Variants in TNNI3K observed in about 807,000 individuals in gnomAD.
TNNI3K encodes serine/threonine-protein kinase TNNI3K.
Under a neutral mutation model 114.5 loss-of-function variants are expected in TNNI3K, and 140 were observed. That is an observed-to-expected ratio of 1.22 (90% CI 1.07 to 1.41). TNNI3K has a LOEUF of 1.41. Ranked by LOEUF, TNNI3K falls within the 40% of genes most tolerant of loss-of-function variation. The pLI is 0.00. For missense variants in TNNI3K, 1,125 were observed against 1,007.6 expected (o/e 1.12, Z -1.58); for synonymous variants, 347 against 347.5 (o/e 1.00, Z 0.02).
In TNNI3K at chr1:74,355,105, T is replaced by TA. The variant is rs535049031; in HGVS notation, c.1177+983dup. 1.5e-3 allele frequency among the ~76,000 whole-genome samples: 226 copies of TA among 152,258 alleles called. 2 individuals carry two copies. Among genetic ancestry groups the TA allele is most frequent in the African/African-American group, 5.1e-3 (212 of 41,550 alleles). Reference sequence around the variant, plus strand: ...AATTATAGGTTATAATTGAATACTATAAAAAAATGCCAGATTTTAAAGTCA... The same window carrying TA: ...AATTATAGGTTATAATTGAATACTATAAAAAAAATGCCAGATTTTAAAGTCA... On this transcript the variant is annotated intron_variant, in intron 11 of 24. Transcript: ENST00000326637.
At position 74,342,870 on chromosome 1, in the gene TNNI3K, C is replaced by T. The variant is rs1198534307; in HGVS notation, c.711C>T (p.Val237=). 6.2e-7 allele frequency: 1 copy of T among 1,613,244 alleles called. No individual in the cohort carries two copies. The highest frequency in any genetic ancestry group is 1.3e-5 in the African/African-American group (1 of 74,866). ...ATGCTCAAGATAATGAAGACCATGT[C>T]CCACTCCATTTCTGTTCTCGATTTG... The part of the protein sequence containing the change: ...DVNAQDNEDH[V]PLHFCSRFGH... The change falls in exon 8 of 25, where the codon GTC becomes GTT. Residue 237 remains valine (V), a synonymous_variant. Coordinates refer to ENST00000326637, the MANE Select transcript of TNNI3K (RefSeq NM_015978.3).
intron 17 of TNNI3K, among the ~76,000 whole-genome samples, chr1:74,431,542 AAGTC>A (rs1363411296): frequency 1.3e-5 from 2 of 152,140 alleles, no homozygotes; most frequent in African/African-American, 4.8e-5. Context: ...ATAGTAAACT[AAGTC>A]AGTAATTGGT....
At chr1:74,401,252 A>G (rs528299321) in intron 17 of TNNI3K, among the ~76,000 whole-genome samples, 4 of 152,192 alleles carry the variant, frequency 2.6e-5, no homozygotes, top group African/African-American at 9.6e-5. Flanking sequence ...TTGATTTTCT[A>G]GGTCATGCAA....
At chr1:74,482,675 A>G (rs1668564351) in intron 21 of TNNI3K, among the ~76,000 whole-genome samples, 1 of 152,214 alleles carries the variant, frequency 6.6e-6, no homozygotes, top group African/African-American at 2.4e-5. Flanking sequence ...CTTGGATATC[A>G]GGATGTAAAT....
At chr1:74,349,808 G>A (rs1216486925) in intron 9 of TNNI3K, among the ~76,000 whole-genome samples, 6 of 152,008 alleles carry the variant, frequency 3.9e-5, no homozygotes, top group South Asian at 2.1e-4. Flanking sequence ...CTGTGGGATC[G>A]GTGGTGATAT....
intron 23 of TNNI3K, among the ~76,000 whole-genome samples, chr1:74,494,778 A>G (rs1435538761): frequency 6.6e-6 from 1 of 152,220 alleles, no homozygotes; most frequent in Non-Finnish European, 1.5e-5. Flanking sequence ...TACTGATAAT[A>G]ATACCAGATC....
At chr1:74,349,769 A>G (rs375859964) in intron 9 of TNNI3K, among the ~76,000 whole-genome samples, 9 of 152,080 alleles carry the variant, frequency 5.9e-5, no homozygotes, top group East Asian at 1.9e-4. Context: ...AGAGGTGTTT[A>G]TAGTATTCTC....
At chr1:74,475,869 T>C (rs1208311044) in intron 21 of TNNI3K, 4 of 536,916 alleles carry the variant, frequency 7.4e-6, no homozygotes, top group Non-Finnish European at 1.3e-5. Flanking sequence ...ACATAAATCA[T>C]CAAATGTAAA....
chr1:74,414,919 A>G (rs1021458860), intron 17 of TNNI3K, among the ~76,000 whole-genome samples: 1 of 152,206 alleles, frequency 6.6e-6, no homozygotes, highest in African/African-American at 2.4e-5. Context: ...AAGTCATTAA[A>G]AAAATAAAAG....
At chr1:74,237,137 C>A (rs1251748272) in intron 2 of TNNI3K, among the ~76,000 whole-genome samples, 1 of 151,830 alleles carries the variant, frequency 6.6e-6, no homozygotes, top group East Asian at 1.9e-4. Flanking sequence ...ATATGAAATT[C>A]GTCAATGGAT....
intron 20 of TNNI3K, among the ~76,000 whole-genome samples, chr1:74,444,733 G>A (rs1222910684): frequency 3.3e-5 from 5 of 150,248 alleles, no homozygotes; most frequent in African/African-American, 9.8e-5. Context: ...ACAATCCTAA[G>A]CAAAAAAAAT....
chr1:74,484,334 A>G lies in TNNI3K; in HGVS notation c.2122-4855A>G, dbSNP rs189232571. On this transcript the variant is annotated intron_variant, in intron 21 of 24. Coordinates refer to ENST00000326637, the MANE Select transcript of TNNI3K (RefSeq NM_015978.3). The stretch of plus-strand genomic sequence containing the variant: ...GATTAATTCTATCATTTGTTCAACA[A>G]GCATTTGTAGATCACCTTCTGCATG... Among the ~76,000 whole-genome samples the G allele has an allele frequency of 2.8e-3, 419 of 152,286 alleles. 3 individuals carry two copies. The highest frequency in any genetic ancestry group is 9.8e-3 in the African/African-American group (409 of 41,572).
At chr1:74,297,741 G>C (rs1383242645) in intron 5 of TNNI3K, among the ~76,000 whole-genome samples, 4 of 151,872 alleles carry the variant, frequency 2.6e-5, no homozygotes, top group African/African-American at 9.7e-5. Context: ...CTTATAAGGT[G>C]CCTCTGGTCT....
chr1:74,290,215 T>C (rs995638192), intron 5 of TNNI3K, among the ~76,000 whole-genome samples: 4 of 149,866 alleles, frequency 2.7e-5, no homozygotes, highest in African/African-American at 4.9e-5. Context: ...TATATTTCTT[T>C]TTTTTTTTTC....
At chr1:74,314,047 A>G (rs507036) in intron 5 of TNNI3K, among the ~76,000 whole-genome samples, 142,763 of 143,940 alleles carry the variant, frequency 0.99, 70,816 homozygotes, top group Middle Eastern at 1. Flanking sequence ...AAAGTTCATT[A>G]TATATATATA....
At chr1:74,371,386 C>G (rs1199964065) in intron 17 of TNNI3K, 1 of 151,630 alleles carries the variant, frequency 6.6e-6, no homozygotes, top group Admixed American at 6.6e-5. Context: ...AAAATATTTA[C>G]CTAAATGTAT....
At chr1:74,487,103 A>G (rs1454931637) in intron 21 of TNNI3K, among the ~76,000 whole-genome samples, 1 of 152,214 alleles carries the variant, frequency 6.6e-6, no homozygotes, top group Non-Finnish European at 1.5e-5. Flanking sequence ...AGCTTGAAGG[A>G]GGACGTTAAG....
chr1:74,314,004 T>C, intron 5 of TNNI3K, among the ~76,000 whole-genome samples: 1 of 149,430 alleles, frequency 6.7e-6, no homozygotes, highest in African/African-American at 2.5e-5. Flanking sequence ...GAGGGAACCT[T>C]TAAGAATATT....
At chr1:74,235,591 G>A (rs528542943) in intron 1 of TNNI3K, 100 bp downstream of exon 1, 25 of 651,732 alleles carry the variant, frequency 3.8e-5, no homozygotes, top group African/African-American at 1.7e-4. Flanking sequence ...ATTTGTATAC[G>A]GAAGATAAGG....
Sources: gnomAD v4.1 joint callset for allele counts (sites outside exome capture counted in the v4.1 genomes callset) on GRCh38, gnomAD v4.1.1 for gene constraint, MANE v1.5 for transcripts, NCBI Gene and HGNC (gene_info 2026-07-23, HGNC 2026-07-21) for gene names.